Variants in UGT1A10 observed in about 807,000 individuals in gnomAD.
The protein encoded by UGT1A10 is UDP-glucuronosyltransferase 1A10.
Under a neutral mutation model 45.8 loss-of-function variants are expected in UGT1A10, and 49 were observed. The observed-to-expected ratio is 1.07, with a 90% confidence interval of 0.85 to 1.36. The LOEUF (loss-of-function observed/expected upper bound fraction) is 1.36. Among genes scored for constraint, UGT1A10 ranks in the 40% most tolerant of loss-of-function variants. The pLI, the probability that UGT1A10 is intolerant of heterozygous loss-of-function variation, is 0.00. For synonymous variants in UGT1A10, 284 were observed against 249.7 expected (o/e 1.14, Z -1.29); for missense variants, 745 against 668.6 (o/e 1.11, Z -1.26).
Position 233,768,074 on chromosome 2 carries a change from G to A in UGT1A10, c.1075+138G>A. ...CCTACATTGCTTTTTATCTAGTGGG[G>A]TATCTCAACCCACATTTTCTTCTGC... On this transcript the variant is annotated intron_variant, in intron 3 of 4. Transcript: ENST00000344644. The A allele has an allele frequency of 5.0e-6, 8 of 1,593,840 alleles. No homozygotes were observed. In the South Asian group the frequency reaches 5.6e-5, roughly 11 times the overall value.
chr2:233,738,483 T>C (rs1690800032), intron 1 of UGT1A10, among the ~76,000 whole-genome samples: 1 of 152,200 alleles, frequency 6.6e-6, no homozygotes, highest in African/African-American at 2.4e-5. Flanking sequence ...CCTGGAGACT[T>C]GTTGAACGGT....
intron 1 of UGT1A10, among the ~76,000 whole-genome samples, chr2:233,646,529 T>A (rs188562315): frequency 1.3e-5 from 2 of 152,218 alleles, no homozygotes; most frequent in Admixed American, 1.3e-4. Flanking sequence ...CTTTGCTTTT[T>A]AAAAATTTCT....
intron 1 of UGT1A10, among the ~76,000 whole-genome samples, chr2:233,742,513 G>C (rs934347498): frequency 6.6e-6 from 1 of 151,822 alleles, no homozygotes; most frequent in Non-Finnish European, 1.5e-5. Context: ...TCATGAACAC[G>C]TCACAGTGCT....
At chr2:233,665,293 T>C (rs2125493659) in intron 1 of UGT1A10, among the ~76,000 whole-genome samples, 1 of 152,344 alleles carries the variant, frequency 6.6e-6, no homozygotes, top group African/African-American at 2.4e-5. Flanking sequence ...ATTTAGGCAT[T>C]TTCCAAATTT....
At chr2:233,689,940 A>T in intron 1 of UGT1A10, 1 of 456,446 alleles carries the variant, frequency 2.2e-6, no homozygotes, top group Middle Eastern at 3.3e-4. Context: ...AGAACCCAAG[A>T]TTTTCCTTTA....
At chr2:233,762,867 G>T (rs1181874118) in intron 1 of UGT1A10, among the ~76,000 whole-genome samples, 2 of 151,628 alleles carry the variant, frequency 1.3e-5, no homozygotes, top group African/African-American at 2.4e-5. Flanking sequence ...AAGAAATTTT[G>T]GTTTCTTCTC....
chr2:233,697,894 A>G (rs936448403), intron 1 of UGT1A10, among the ~76,000 whole-genome samples: 4 of 152,240 alleles, frequency 2.6e-5, no homozygotes, highest in African/African-American at 9.6e-5. Context: ...TGATTGAATC[A>G]AATCTATTGA....
rs200190624 is a variant in UGT1A10, at chr2:233,682,051, G to A, written c.855+44674G>A. ...TAGTGCCCATGGATGGGAGCCACTG[G>A]TTCACCATGCAGTCGGTGGTGGAGA... On this transcript the variant is annotated intron_variant, in intron 1 of 4. Transcript: ENST00000344644. 1.1e-5 allele frequency: 18 copies of A among 1,614,102 alleles called. No individual in the cohort carries two copies. In the African/African-American group the frequency reaches 2.3e-4, roughly 20 times the overall value.
At chr2:233,655,744 G>C (rs2073840150) in intron 1 of UGT1A10, among the ~76,000 whole-genome samples, 2 of 152,118 alleles carry the variant, frequency 1.3e-5, no homozygotes. Context: ...CCTGTCCCTG[G>C]AGGTTCACAG....
intron 1 of UGT1A10, chr2:233,647,912 A>G: frequency 1.9e-6 from 3 of 1,587,596 alleles, no homozygotes; most frequent in Non-Finnish European, 2.6e-6. Flanking sequence ...CCTCCAGGGA[A>G]GGTAGATCAC....
At chr2:233,686,759 T>C (rs1195902114) in intron 1 of UGT1A10, among the ~76,000 whole-genome samples, 3 of 152,202 alleles carry the variant, frequency 2.0e-5, no homozygotes, top group African/African-American at 7.2e-5. Context: ...TCACTGGCTT[T>C]ATTTTATGCA....
chr2:233,723,423 T>C (rs948656424), intron 1 of UGT1A10, among the ~76,000 whole-genome samples: 4 of 135,658 alleles, frequency 2.9e-5, no homozygotes, highest in African/African-American at 8.8e-5. Flanking sequence ...CTGGTCAGGC[T>C]GGTCTCGAAC....
intron 3 of UGT1A10, 132 bp downstream of exon 3, chr2:233,768,068 A>G: frequency 1.3e-6 from 2 of 1,596,810 alleles, no homozygotes; most frequent in Admixed American, 3.5e-5. Flanking sequence ...CTTTTTATCT[A>G]GTGGGGTATC....
At chr2:233,669,415 A>G (rs1023014262) in intron 1 of UGT1A10, among the ~76,000 whole-genome samples, 1 of 152,226 alleles carries the variant, frequency 6.6e-6, no homozygotes, top group African/African-American at 2.4e-5. Flanking sequence ...GAAAAATAAC[A>G]TTTTAACAAT....
Position 233,682,697 on chromosome 2 carries a change from C to T in UGT1A10, c.855+45320C>T, listed in dbSNP as rs201879946. The T allele has an allele frequency of 6.1e-5, 99 of 1,613,832 alleles. No individual in the cohort carries two copies. The highest frequency in any genetic ancestry group is 1.7e-4 in the Middle Eastern group (1 of 6,054). On this transcript the variant is annotated intron_variant, in intron 1 of 4. Coordinates refer to ENST00000344644, the MANE Select transcript of UGT1A10 (RefSeq NM_019075.4). ...CAGCCACACATCAATTTGGTTGTTG[C>T]GAACTGACTTTGTTTTGGAGTATCC...
rs763166349 is a variant in UGT1A10, at chr2:233,729,716, T to C, written c.856-37318T>C. On this transcript the variant is annotated intron_variant, in intron 1 of 4. Coordinates refer to ENST00000344644, the MANE Select transcript of UGT1A10 (RefSeq NM_019075.4). ...AACCCTTCCTCCTATATTCCTAGAT[T>C]ACTAACAACCAATTCAGACCACATG... 5.6e-6 allele frequency: 9 copies of C among 1,613,852 alleles called. No individual in the cohort carries two copies. The African/African-American group carries it at 9.3e-5, about 17-fold the overall frequency.
intron 1 of UGT1A10, chr2:233,748,089 C>G (rs17863798): frequency 2.3e-5 from 37 of 1,612,724 alleles, no homozygotes; most frequent in Non-Finnish European, 2.8e-5. Flanking sequence ...GGTCGGTGTT[C>G]GTGCCTTCAT....
intron 1 of UGT1A10, among the ~76,000 whole-genome samples, chr2:233,689,179 T>A (rs10179094): frequency 0.34 from 51,681 of 152,064 alleles, 9,200 homozygotes; most frequent in South Asian, 0.41. Flanking sequence ...CTAGGACAGG[T>A]GCCCCTGGAA....
chr2:233,710,897 G>C (rs541299321), intron 1 of UGT1A10, among the ~76,000 whole-genome samples: 7 of 152,296 alleles, frequency 4.6e-5, no homozygotes, highest in African/African-American at 1.7e-4. Context: ...TGTAGGTTTG[G>C]GTGGAAAGAG....
Sources: gnomAD v4.1 joint callset for allele counts (sites outside exome capture counted in the v4.1 genomes callset) on GRCh38, gnomAD v4.1.1 for gene constraint, MANE v1.5 for transcripts, NCBI Gene and HGNC (gene_info 2026-07-23, HGNC 2026-07-21) for gene names.